DAB1: variants seen among roughly 807,000 people sequenced by gnomAD.
The protein encoded by DAB1 is disabled homolog 1.
DAB1 carries 15 observed loss-of-function variants against 64.6 expected under a neutral mutation model. The ratio of observed to expected loss-of-function variants is 0.23; its 90% CI spans 0.16 to 0.36. The LOEUF (loss-of-function observed/expected upper bound fraction) is 0.36, where lower values mean the gene tolerates loss of function less well. Ranked by LOEUF, DAB1 falls within the 10% of genes least tolerant of loss-of-function variation. The probability of loss-of-function intolerance (pLI) is 1.00; values close to 1 mark genes in which losing one functional copy is unlikely to be tolerated. For missense variants in DAB1, 596 were observed against 706.7 expected, an observed-to-expected ratio of 0.84 and a Z score of 1.78; for synonymous variants, 235 against 251.9, an observed-to-expected ratio of 0.93 and a Z score of 0.64.
chr1:58,413,845 ATG>A (rs1557752919), intron 3 of DAB1, among the ~76,000 whole-genome samples: 2 of 152,174 alleles, frequency 1.3e-5, no homozygotes, highest in Admixed American at 6.5e-5. Context: ...CTATAGAGTC[ATG>A]TGTCTCTCGA....
intron 7 of DAB1, among the ~76,000 whole-genome samples, chr1:57,629,729 G>T (rs1277950448): frequency 1.2e-5 from 1 of 82,886 alleles, no homozygotes; most frequent in East Asian, 4.2e-4. Context: ...GGTAGCTCAA[G>T]AACTTGAAAA....
intron 6 of DAB1, among the ~76,000 whole-genome samples, chr1:57,742,189 A>C (rs3118042): frequency 0.22 from 33,868 of 152,064 alleles, 5,059 homozygotes; most frequent in East Asian, 0.43. Context: ...TCTCAGACTC[A>C]GAACATTAGC....
intron 4 of DAB1, among the ~76,000 whole-genome samples, chr1:57,131,172 A>G (rs1657622910): frequency 6.6e-6 from 1 of 152,204 alleles, no homozygotes; most frequent in Non-Finnish European, 1.5e-5. Flanking sequence ...AAAAGAAAGA[A>G]AATAAGCTTA....
In DAB1 at chr1:57,535,941, C is replaced by T. The variant is rs190117200; in HGVS notation, n.625+113651G>A. On this transcript the variant is annotated intron_variant and non_coding_transcript_variant, in intron 7 of 20. Coordinates refer to the DAB1 transcript ENST00000485760. The stretch of plus-strand genomic sequence containing the variant: ...TCTGCTTGACTTGGGAATGAAAGGA[C>T]TCAAGCTTCCCTTTGCTCCCCTTAG... Among the ~76,000 whole-genome samples, 201 of 152,288 alleles carry T rather than the reference C, an allele frequency of 1.3e-3. 1 individual carries two copies. Among genetic ancestry groups the T allele is most frequent in the East Asian group, 6.0e-3 (31 of 5,174 alleles).
At chr1:57,547,020 A>C (rs1403478788) in intron 7 of DAB1, among the ~76,000 whole-genome samples, 1 of 152,176 alleles carries the variant, frequency 6.6e-6, no homozygotes, top group African/African-American at 2.4e-5. Flanking sequence ...AAAACACAAA[A>C]AAGGAACTGA....
chr1:57,644,355 C>G (rs917606895), intron 7 of DAB1, among the ~76,000 whole-genome samples: 5 of 152,104 alleles, frequency 3.3e-5, no homozygotes, highest in Admixed American at 6.5e-5. Flanking sequence ...TTTTGGATTA[C>G]AAGGTTAATT....
chr1:57,252,960 G>A (rs942035813), intron 2 of DAB1, among the ~76,000 whole-genome samples: 1 of 152,194 alleles, frequency 6.6e-6, no homozygotes, highest in Non-Finnish European at 1.5e-5. Flanking sequence ...CAAGTCTGAT[G>A]GGAGAAAGAG....
At chr1:57,835,002 C>T (rs550305082) in intron 1 of DAB1, among the ~76,000 whole-genome samples, 3 of 152,188 alleles carry the variant, frequency 2.0e-5, no homozygotes, top group African/African-American at 7.2e-5. Context: ...TTCATGAAAG[C>T]AGAAGTTCGT....
chr1:58,039,832 C>T (rs562989158), intron 5 of DAB1, among the ~76,000 whole-genome samples: 2 of 151,888 alleles, frequency 1.3e-5, no homozygotes, highest in African/African-American at 2.4e-5. Context: ...AATTTATTGT[C>T]GAGGTTGAAT....
chr1:57,222,434 G>T (rs553051212), intron 2 of DAB1, among the ~76,000 whole-genome samples: 1 of 152,306 alleles, frequency 6.6e-6, no homozygotes, highest in Non-Finnish European at 1.5e-5. Context: ...CAGCTTCCAG[G>T]GAGGCTCAGC....
In DAB1 at chr1:58,287,779, C is replaced by T. The variant is rs553467949; in HGVS notation, n.309+55573G>A. Among the ~76,000 whole-genome samples, 12 of 152,032 alleles carry T rather than the reference C, an allele frequency of 7.9e-5. No individual in the cohort carries two copies. In the East Asian group the frequency reaches 1.2e-3, roughly 15 times the overall value. Reference sequence around the variant, plus strand: ...GCTCATGCCTGTAATCCCAACACTTCGGGAGGCTGAGGCAGGCAGATCATT... The same window carrying T: ...GCTCATGCCTGTAATCCCAACACTTTGGGAGGCTGAGGCAGGCAGATCATT... On this transcript the variant is annotated intron_variant and non_coding_transcript_variant, in intron 4 of 20. Transcript: ENST00000485760.
At chr1:57,038,137 A>G (rs1028963767) in intron 9 of DAB1, among the ~76,000 whole-genome samples, 33 of 152,222 alleles carry the variant, frequency 2.2e-4, no homozygotes, top group Admixed American at 2.0e-3. Flanking sequence ...TAAATACTAG[A>G]CATAGTCCTT....
intron 11 of DAB1, among the ~76,000 whole-genome samples, chr1:57,017,630 A>G (rs547806338): frequency 6.6e-6 from 1 of 152,370 alleles, no homozygotes; most frequent in Admixed American, 6.5e-5. Context: ...CTTCTTGCTG[A>G]TTAATCTCGC....
chr1:57,660,947 T>G (rs151266016), intron 6 of DAB1, among the ~76,000 whole-genome samples: 1 of 152,296 alleles, frequency 6.6e-6, no homozygotes, highest in Admixed American at 6.5e-5. Context: ...CAAACGTGTC[T>G]CAAAGCGGGC....
chr1:57,956,103 G>C (rs550502311), intron 5 of DAB1, among the ~76,000 whole-genome samples: 4 of 152,250 alleles, frequency 2.6e-5, no homozygotes, highest in African/African-American at 9.6e-5. Flanking sequence ...AAGGCAATAT[G>C]TCAGATCTGA....
chr1:57,672,415 G>T (rs889738328), intron 6 of DAB1, among the ~76,000 whole-genome samples: 2 of 152,112 alleles, frequency 1.3e-5, no homozygotes, highest in East Asian at 1.9e-4. Context: ...TAAAACAGTT[G>T]CTATGAGACA....
At chr1:58,218,783 A>T (rs1035573786) in intron 4 of DAB1, among the ~76,000 whole-genome samples, 9 of 152,206 alleles carry the variant, frequency 5.9e-5, no homozygotes, top group African/African-American at 2.2e-4. Flanking sequence ...GCTTCTGTGC[A>T]TGGCATTTTA....
Position 57,196,100 on chromosome 1 carries a change from G to C in DAB1, c.68-50671C>G, listed in dbSNP as rs115724668. On this transcript the variant is annotated intron_variant, in intron 2 of 14. Coordinates refer to ENST00000371236, the MANE Select transcript of DAB1 (RefSeq NM_001365792.1). The stretch of plus-strand genomic sequence containing the variant: ...AAGGGCCAAGGAATGTTTTGGAAGT[G>C]ATGGATGTTTTGTAACCTTGATTGT... 7.4e-3 allele frequency among the ~76,000 whole-genome samples: 1,131 copies of C among 152,270 alleles called. 15 individuals are homozygous for C. The highest frequency in any genetic ancestry group is 0.026 in the African/African-American group (1,078 of 41,558).
chr1:57,661,506 T>C (rs1263315891), intron 6 of DAB1, among the ~76,000 whole-genome samples: 1 of 152,036 alleles, frequency 6.6e-6, no homozygotes, highest in East Asian at 1.9e-4. Flanking sequence ...ACCCAAGGGG[T>C]CTTTGAATCT....
Sources: gnomAD v4.1 joint callset for allele counts (sites outside exome capture counted in the v4.1 genomes callset) on GRCh38, gnomAD v4.1.1 for gene constraint, MANE v1.5 for transcripts, NCBI Gene and HGNC (gene_info 2026-07-23, HGNC 2026-07-21) for gene names.